The following SPTA1 variants were observed in gnomAD, a reference collection of about 807,000 sequenced individuals.
SPTA1 encodes spectrin alpha, erythrocytic 1.
In SPTA1, 177 loss-of-function variants were observed where a neutral mutation model predicts 324.7. That is an observed-to-expected ratio of 0.55 (90% CI 0.48 to 0.62). The LOEUF is 0.62. Ranked by LOEUF, SPTA1 falls within the 20% of genes least tolerant of loss-of-function variation. The probability of loss-of-function intolerance (pLI) is 0.00; values close to 1 mark genes in which losing one functional copy is unlikely to be tolerated. For missense variants in SPTA1, 3,162 were observed against 2,883.6 expected, an observed-to-expected ratio of 1.10 and a Z score of -2.21; for synonymous variants, 1,195 against 1,041.3, an observed-to-expected ratio of 1.15 and a Z score of -2.84.
At position 158,678,218 on chromosome 1, in the gene SPTA1, C is replaced by A. The variant is rs325994; in HGVS notation, c.812+183G>T. On this transcript the variant is annotated intron_variant, in intron 6 of 51. Transcript: ENST00000643759. ...TGATCTCCAATCTCTACATCCTTGGCCATAGAGTAGGTCACAGATTTCTTT... is the reference window on the plus strand; with the variant it reads ...TGATCTCCAATCTCTACATCCTTGGACATAGAGTAGGTCACAGATTTCTTT... Among the ~76,000 whole-genome samples, 140,714 of 152,222 alleles carry A rather than the reference C, an allele frequency of 0.92. 65,937 individuals carry two copies. Among genetic ancestry groups the A allele is most frequent in the East Asian group, 1 (5,166 of 5,166 alleles).
At chr1:158,657,842 A>C (rs1652937751) in intron 18 of SPTA1, 148 bp from the exon 19 acceptor site, 3 of 784,828 alleles carry the variant, frequency 3.8e-6, no homozygotes, top group South Asian at 3.4e-5. Context: ...TTACCTGGGA[A>C]TTGAAATATC....
chr1:158,640,863 G>C (rs909139442), intron 33 of SPTA1, among the ~76,000 whole-genome samples: 1 of 151,950 alleles, frequency 6.6e-6, no homozygotes, highest in Non-Finnish European at 1.5e-5. Flanking sequence ...CAATCCTAAG[G>C]CAAAAGAACA....
chr1:158,674,755 G>A, intron 8 of SPTA1, 80 bp from the exon 9 acceptor site: 4 of 1,575,194 alleles, frequency 2.5e-6, no homozygotes, highest in Non-Finnish European at 3.5e-6. Context: ...GGTTTGGGGT[G>A]AGGTAAGATG....
At chr1:158,662,431 C>A (rs1045308313) in intron 17 of SPTA1, among the ~76,000 whole-genome samples, 1 of 152,184 alleles carries the variant, frequency 6.6e-6, no homozygotes, top group African/African-American at 2.4e-5. Context: ...AAGACCTTCA[C>A]AGTTTTAGAG....
At chr1:158,669,346 A>C (rs1653833815) in intron 14 of SPTA1, 62 bp downstream of exon 14, 1 of 1,607,624 alleles carries the variant, frequency 6.2e-7, no homozygotes, top group African/African-American at 1.3e-5. Flanking sequence ...TTACTCCAAG[A>C]CTGTACTTCC....
chr1:158,670,787 A>G (rs1047058161), intron 12 of SPTA1, among the ~76,000 whole-genome samples: 13 of 152,214 alleles, frequency 8.5e-5, no homozygotes, highest in African/African-American at 3.1e-4. Context: ...ATAAAGGAAA[A>G]ATATGCTGTA....
chr1:158,665,482 A>G (rs1416274078), intron 16 of SPTA1, among the ~76,000 whole-genome samples: 1 of 152,200 alleles, frequency 6.6e-6, no homozygotes, highest in Non-Finnish European at 1.5e-5. Flanking sequence ...ATCATTTTTA[A>G]ATACAAGCTA....
chr1:158,647,699 C>T lies in SPTA1; in HGVS notation c.3736G>A (p.Ala1246Thr), dbSNP rs769094350. 5 of 1,613,938 alleles carry T rather than the reference C, an allele frequency of 3.1e-6. No homozygotes were observed. In the South Asian group the frequency reaches 5.5e-5, roughly 18 times the overall value. ...GDKVTILGETAERLSESHPDA... is the reference protein window; with the variant it reads ...GDKVTILGETTERLSESHPDA... ...GGATGGGACTCACTGAGCCGCTCTG[C>T]TGTCTCCCCCAGTATGGTCACCTGG... Residue 1246 changes from alanine (A) to threonine (T), a missense_variant, in exon 27 of 52, where the codon GCA becomes ACA. Transcript: ENST00000643759.
At chr1:158,660,721 G>A (rs1223602409) in intron 18 of SPTA1, among the ~76,000 whole-genome samples, 1 of 152,162 alleles carries the variant, frequency 6.6e-6, no homozygotes, top group Non-Finnish European at 1.5e-5. Context: ...TCAATCAACA[G>A]AGGGAAAATC....
At chr1:158,659,397 C>A (rs1007196589) in intron 18 of SPTA1, among the ~76,000 whole-genome samples, 5 of 151,764 alleles carry the variant, frequency 3.3e-5, no homozygotes, top group African/African-American at 1.2e-4. Flanking sequence ...TGCAAAATAT[C>A]TTTTGCTTAT....
At chr1:158,670,893 T>C (rs76143620) in intron 12 of SPTA1, among the ~76,000 whole-genome samples, 3,071 of 151,684 alleles carry the variant, frequency 0.02, 114 homozygotes, top group African/African-American at 0.07. Flanking sequence ...TGAAAAAAAA[T>C]AAAATTTCTA....
chr1:158,651,291 G>C, intron 24 of SPTA1, 76 bp downstream of exon 24: 1 of 929,986 alleles, frequency 1.1e-6, no homozygotes, highest in South Asian at 1.3e-5. Context: ...AGAATATAAA[G>C]TTCCATGTTG....
chr1:158,655,491 C>A (rs1183706827), intron 20 of SPTA1, among the ~76,000 whole-genome samples: 1 of 152,116 alleles, frequency 6.6e-6, no homozygotes, highest in Non-Finnish European at 1.5e-5. Context: ...CCTCTAATTT[C>A]ATCTCCTTTA....
chr1:158,622,952 G>T (rs762335634), intron 43 of SPTA1, 31 bp downstream of exon 43: 28 of 1,573,708 alleles, frequency 1.8e-5, no homozygotes, highest in Admixed American at 1.7e-4. Context: ...AGGTAACAGA[G>T]AACTGATCAT....
chr1:158,618,911 G>T (rs1461326403), intron 45 of SPTA1, among the ~76,000 whole-genome samples: 2 of 152,164 alleles, frequency 1.3e-5, no homozygotes, highest in Non-Finnish European at 2.9e-5. Context: ...GTGCAATATG[G>T]CATGTGAACA....
In SPTA1 at chr1:158,657,236, G is replaced by T. The variant is rs192893758; in HGVS notation, c.2805+241C>A. On this transcript the variant is annotated intron_variant, in intron 19 of 51. Transcript: ENST00000643759. ...ACTATGACTCTGATCACACTTTTTTGATTTAGATAATCTCTAAAGAGTATA... is the reference window on the plus strand; with the variant it reads ...ACTATGACTCTGATCACACTTTTTTTATTTAGATAATCTCTAAAGAGTATA... Among the ~76,000 whole-genome samples, 22 of 152,150 alleles carry T rather than the reference G, an allele frequency of 1.4e-4. 1 individual carries two copies. In the East Asian group the frequency reaches 4.2e-3, roughly 29 times the overall value.
At position 158,612,482 on chromosome 1, in the gene SPTA1, G is replaced by A. The variant is rs1217165374; in HGVS notation, c.7134+335C>T. The A allele has an allele frequency of 2.0e-5, 7 of 348,064 alleles. No individual in the cohort carries two copies. In the East Asian group the frequency reaches 4.4e-4, roughly 22 times the overall value. The allele number at this position is 348,064 out of a possible 1,614,324, so 21.6% of individuals were successfully genotyped here. ...CCCACTACACCTGAATTTAGGGACT[G>A]TGTCTTACTAAAGTTTGCACTCCTC... On this transcript the variant is annotated intron_variant, in intron 51 of 51. Transcript: ENST00000643759.
intron 7 of SPTA1, among the ~76,000 whole-genome samples, chr1:158,677,453 A>G (rs1654463487): frequency 6.6e-6 from 1 of 152,196 alleles, no homozygotes; most frequent in Admixed American, 6.5e-5. Context: ...AACACAAGAG[A>G]ATATAAAACA....
intron 16 of SPTA1, among the ~76,000 whole-genome samples, chr1:158,665,603 A>G (rs1164898550): frequency 6.6e-6 from 1 of 152,192 alleles, no homozygotes; most frequent in East Asian, 1.9e-4. Flanking sequence ...AATTCATTTT[A>G]AATAAGAGTC....
Sources: gnomAD v4.1 joint callset for allele counts (sites outside exome capture counted in the v4.1 genomes callset) on GRCh38, gnomAD v4.1.1 for gene constraint, MANE v1.5 for transcripts, NCBI Gene and HGNC (gene_info 2026-07-23, HGNC 2026-07-21) for gene names.